The following ALG6 variants were observed in gnomAD, a reference collection of about 807,000 sequenced individuals.
ALG6 encodes the protein dolichyl pyrophosphate Man9GlcNAc2 alpha-1,3-glucosyltransferase.
ALG6 carries 46 observed loss-of-function variants against 66.6 expected under a neutral mutation model. The ratio of observed to expected loss-of-function variants is 0.69; its 90% CI spans 0.55 to 0.88. ALG6 has a LOEUF of 0.88. ALG6 is among the 40% of genes least tolerant of loss of function. The pLI is 0.00. For synonymous variants in ALG6, 185 were observed against 203.7 expected (o/e 0.91, Z 0.78); for missense variants, 505 against 586.8 (o/e 0.86, Z 1.44).
At chr1:63,428,492 C>T (rs1006304039) in intron 12 of ALG6, 18 of 341,874 alleles carry the variant, frequency 5.3e-5, no homozygotes, top group African/African-American at 1.3e-4. Context: ...GTTCCATTAA[C>T]GGCATACTGG....
chr1:63,368,777 A>G (rs1460099145), intron 1 of ALG6, among the ~76,000 whole-genome samples: 1 of 152,210 alleles, frequency 6.6e-6, no homozygotes, highest in Admixed American at 6.5e-5. Flanking sequence ...CTGGGATTAC[A>G]GGGGTGAACC....
intron 3 of ALG6, among the ~76,000 whole-genome samples, chr1:63,400,371 G>GTA (rs1361757864): frequency 8.2e-6 from 1 of 121,562 alleles, no homozygotes; most frequent in African/African-American, 3.4e-5. Context: ...GTATATATAT[G>GTA]TATATATATA....
chr1:63,430,821 T>G (rs1451791830), intron 14 of ALG6, among the ~76,000 whole-genome samples: 3 of 151,832 alleles, frequency 2.0e-5, no homozygotes, highest in African/African-American at 7.3e-5. Flanking sequence ...GCAAATATCC[T>G]CTCCCATTCT....
chr1:63,370,791 A>G lies in ALG6; in HGVS notation c.-187A>G. ...CTTAGGATACTTCTACATAGACATA[A>G]TCAAGTTTTGACTATTTGGAAACCA... On this transcript the variant is annotated 5_prime_UTR_variant, in exon 2 of 15. Coordinates refer to ENST00000263440, the MANE Select transcript of ALG6 (RefSeq NM_013339.4). 1.6e-6 allele frequency: 1 copy of G among 629,434 alleles called. No individual in the cohort carries two copies. The highest frequency in any genetic ancestry group is 2.9e-6 in the Non-Finnish European group (1 of 350,186). The allele number at this position is 629,434 out of a possible 1,614,324, so 39.0% of individuals were successfully genotyped here.
At position 63,387,830 on chromosome 1, in the gene ALG6, C is replaced by T. The variant is rs529823305; in HGVS notation, c.83-8683C>T. ...GTACTGGGATTAGAGGTGTGAGCCA[C>T]CGTGCCCAGCTTCTTTGTCTCTTTT... On this transcript the variant is annotated intron_variant, in intron 2 of 14. Coordinates refer to ENST00000263440, the MANE Select transcript of ALG6 (RefSeq NM_013339.4). Among the ~76,000 whole-genome samples the T allele has an allele frequency of 2.0e-5, 3 of 152,198 alleles. No individual in the cohort carries two copies. The South Asian group carries it at 6.2e-4, about 32-fold the overall frequency.
At chr1:63,418,170 G>A (rs1644554414) in intron 11 of ALG6, among the ~76,000 whole-genome samples, 2 of 150,912 alleles carry the variant, frequency 1.3e-5, no homozygotes, top group Admixed American at 6.6e-5. Context: ...TGAAAAGAGA[G>A]CTGATGGAAT....
At chr1:63,407,819 G>C (rs1208421044) in intron 7 of ALG6, among the ~76,000 whole-genome samples, 2 of 151,988 alleles carry the variant, frequency 1.3e-5, no homozygotes, top group East Asian at 3.9e-4. Context: ...AACACTAATA[G>C]GTATATCTGT....
chr1:63,380,053 A>G (rs1570036548), intron 2 of ALG6, among the ~76,000 whole-genome samples: 2 of 152,196 alleles, frequency 1.3e-5, no homozygotes, highest in South Asian at 4.1e-4. Context: ...AGATTTAACC[A>G]CTAATCATCT....
rs1157951617 is a variant in ALG6, at chr1:63,437,321, G to T, written c.*301G>T. ...TAATCCCATTGTTTACTCAGGAAATGCACTTTTTAAATGTCTTTAAAAAAC... is the reference window on the plus strand; with the variant it reads ...TAATCCCATTGTTTACTCAGGAAATTCACTTTTTAAATGTCTTTAAAAAAC... On this transcript the variant is annotated 3_prime_UTR_variant, in exon 15 of 15. Coordinates refer to ENST00000263440, the MANE Select transcript of ALG6 (RefSeq NM_013339.4). 3 of 312,258 alleles carry T rather than the reference G, an allele frequency of 9.6e-6. No individual in the cohort carries two copies. Among genetic ancestry groups the T allele is most frequent in the Admixed American group, 9.7e-5 (2 of 20,666 alleles). The allele number at this position is 312,258 out of a possible 1,614,324, so 19.3% of individuals were successfully genotyped here.
chr1:63,401,246 A>G lies in ALG6; in HGVS notation c.168-1008A>G, dbSNP rs370121260. ...CAAACCTATGTTTTATGTAACTGAC[A>G]CTAAGAATAGACCTTCCGAAGATGA... On this transcript the variant is annotated intron_variant, in intron 3 of 14. Coordinates refer to ENST00000263440, the MANE Select transcript of ALG6 (RefSeq NM_013339.4). Among the ~76,000 whole-genome samples, 4 of 152,284 alleles carry G rather than the reference A, an allele frequency of 2.6e-5. No individual in the cohort carries two copies. The East Asian group carries it at 7.7e-4, about 29-fold the overall frequency.
At chr1:63,419,520 G>A in intron 12 of ALG6, 80 bp downstream of exon 12, 2 of 1,030,086 alleles carry the variant, frequency 1.9e-6, no homozygotes, top group African/African-American at 1.6e-5. Flanking sequence ...ACATTTGAAT[G>A]CAAAACAAAA....
rs1276003358 is a variant in ALG6, at chr1:63,402,333, T to A, written c.247T>A (p.Cys83Ser). 2 of 1,606,534 alleles carry A rather than the reference T, an allele frequency of 1.2e-6. No individual in the cohort carries two copies. The highest frequency in any genetic ancestry group is 1.7e-6 in the Non-Finnish European group (2 of 1,173,544). ...PPLTAYHSLL[C>S]AYVAKFINPD... ...TCTTACAGCTTATCATAGTCTCCTA[T>A]GTGCATATGTGTAAGTTTTTCTTTC... is the stretch of plus-strand genomic sequence containing the variant. Residue 83 changes from cysteine (C) to serine (S), a missense_variant, in exon 4 of 15, where the codon TGT becomes AGT. Transcript: ENST00000263440.
At chr1:63,382,142 G>A (rs1410358293) in intron 2 of ALG6, among the ~76,000 whole-genome samples, 1 of 150,470 alleles carries the variant, frequency 6.6e-6, no homozygotes, top group Non-Finnish European at 1.5e-5. Context: ...ACATATTCAT[G>A]GGTCACATGA....
chr1:63,403,382 A>G (rs1644475025), intron 4 of ALG6, among the ~76,000 whole-genome samples: 1 of 152,194 alleles, frequency 6.6e-6, no homozygotes, highest in South Asian at 2.1e-4. Context: ...GTGATTGAAG[A>G]TCAAAATGGG....
chr1:63,374,856 G>A (rs1648065224), intron 2 of ALG6, among the ~76,000 whole-genome samples: 1 of 152,086 alleles, frequency 6.6e-6, no homozygotes, highest in South Asian at 2.1e-4. Flanking sequence ...ATAATAAATG[G>A]TATCTTCCTT....
At chr1:63,435,194 G>A (rs997614400) in intron 14 of ALG6, among the ~76,000 whole-genome samples, 4 of 152,182 alleles carry the variant, frequency 2.6e-5, no homozygotes, top group African/African-American at 9.6e-5. Flanking sequence ...AGTGTAAATA[G>A]GAGCAGACAA....
chr1:63,411,629 A>G (rs1376528333), intron 8 of ALG6, among the ~76,000 whole-genome samples: 1 of 152,204 alleles, frequency 6.6e-6, no homozygotes, highest in Non-Finnish European at 1.5e-5. Flanking sequence ...CTTATTAGAA[A>G]TACATCCCCA....
At chr1:63,421,601 T>C (rs1306828125) in intron 12 of ALG6, among the ~76,000 whole-genome samples, 1 of 152,170 alleles carries the variant, frequency 6.6e-6, no homozygotes, top group African/African-American at 2.4e-5. Context: ...CTATTCATGA[T>C]AGCAAAGACT....
At chr1:63,431,191 T>C (rs1385209784) in intron 14 of ALG6, among the ~76,000 whole-genome samples, 2 of 152,230 alleles carry the variant, frequency 1.3e-5, no homozygotes, top group Admixed American at 1.3e-4. Flanking sequence ...CATTGATCTA[T>C]ATGTCTATCC....
Sources: allele counts gnomAD v4.1 joint callset (sites outside exome capture counted in the v4.1 genomes callset), GRCh38; gene constraint gnomAD v4.1.1; transcripts MANE v1.5; gene names NCBI Gene and HGNC (gene_info 2026-07-23, HGNC 2026-07-21).